Variants in ZNF385D observed in about 807,000 individuals in gnomAD.
ZNF385D encodes the protein zinc finger protein 659.
Under a neutral mutation model 35.8 loss-of-function variants are expected in ZNF385D, and 15 were observed. The ratio of observed to expected loss-of-function variants is 0.42; its 90% confidence interval spans 0.28 to 0.64. The LOEUF (loss-of-function observed/expected upper bound fraction) is 0.64. ZNF385D is among the 30% of genes least tolerant of loss of function. The probability of loss-of-function intolerance (pLI) is 0.23; values close to 1 mark genes in which losing one functional copy is unlikely to be tolerated. For synonymous variants in ZNF385D, 212 were observed against 186.8 expected (o/e 1.13, Z -1.10); for missense variants, 474 against 494.6 (o/e 0.96, Z 0.39).
intron 3 of ZNF385D, among the ~76,000 whole-genome samples, chr3:21,838,066 G>C (rs116552559): frequency 0.012 from 1,772 of 152,058 alleles, 30 homozygotes; most frequent in African/African-American, 0.039. Context: ...CTTCATAACT[G>C]CACATTAACA....
At chr3:21,569,799 A>G (rs1354637393) in intron 2 of ZNF385D, among the ~76,000 whole-genome samples, 1 of 151,196 alleles carries the variant, frequency 6.6e-6, no homozygotes, top group East Asian at 2.0e-4. Context: ...TCAGTAAACT[A>G]TCGCAAGGAC....
chr3:21,979,303 C>A (rs1191798483), intron 3 of ZNF385D, among the ~76,000 whole-genome samples: 1 of 152,108 alleles, frequency 6.6e-6, no homozygotes, highest in Non-Finnish European at 1.5e-5. Flanking sequence ...GTATATTTAA[C>A]CCCACATGTC....
intron 3 of ZNF385D, among the ~76,000 whole-genome samples, chr3:22,036,873 C>T (rs1412332983): frequency 8.1e-6 from 1 of 123,398 alleles, no homozygotes; most frequent in Non-Finnish European, 1.7e-5. Flanking sequence ...TCCCCCCACC[C>T]CACAACAGGC....
intron 3 of ZNF385D, among the ~76,000 whole-genome samples, chr3:21,537,436 C>A (rs961092342): frequency 6.6e-6 from 1 of 151,948 alleles, no homozygotes; most frequent in Admixed American, 6.6e-5. Flanking sequence ...TGAGCCACCA[C>A]GCCCGGCCCA....
chr3:22,005,176 T>C (rs1427486710), intron 3 of ZNF385D, among the ~76,000 whole-genome samples: 1 of 148,540 alleles, frequency 6.7e-6, no homozygotes, highest in Non-Finnish European at 1.5e-5. Context: ...CACAGGTACA[T>C]GAAAAAATGT....
At chr3:22,239,406 C>A (rs1350226340) in intron 2 of ZNF385D, among the ~76,000 whole-genome samples, 1 of 150,912 alleles carries the variant, frequency 6.6e-6, no homozygotes, top group Non-Finnish European at 1.5e-5. Context: ...TTTAAAGTGT[C>A]CTAAGCCAAA....
chr3:22,021,899 C>T (rs1220744155), intron 3 of ZNF385D, among the ~76,000 whole-genome samples: 1 of 151,936 alleles, frequency 6.6e-6, no homozygotes, highest in Non-Finnish European at 1.5e-5. Context: ...AGAATAATTC[C>T]CAGGTGATTC....
chr3:21,907,318 T>C (rs1374619322), intron 3 of ZNF385D, among the ~76,000 whole-genome samples: 1 of 152,212 alleles, frequency 6.6e-6, no homozygotes, highest in Non-Finnish European at 1.5e-5. Context: ...TATTTCTTTA[T>C]ATCTTTACTT....
chr3:22,172,391 T>C (rs976710775), intron 2 of ZNF385D, among the ~76,000 whole-genome samples: 1 of 152,200 alleles, frequency 6.6e-6, no homozygotes, highest in African/African-American at 2.4e-5. Context: ...TAAGCTATAT[T>C]AAAAAATGTA....
At chr3:22,100,962 A>C (rs1177937682) in intron 3 of ZNF385D, among the ~76,000 whole-genome samples, 7 of 152,088 alleles carry the variant, frequency 4.6e-5, no homozygotes, top group Non-Finnish European at 1.0e-4. Flanking sequence ...GCAACATTTT[A>C]TTGAATATAA....
intron 4 of ZNF385D, among the ~76,000 whole-genome samples, chr3:21,456,591 T>C (rs1702827830): frequency 6.6e-6 from 1 of 151,644 alleles, no homozygotes. Flanking sequence ...TGTTGTGGGG[T>C]GGGGGGAGTA....
chr3:21,754,703 C>T (rs1238700280), upstream of ZNF385D, among the ~76,000 whole-genome samples: 1 of 152,020 alleles, frequency 6.6e-6, no homozygotes, highest in African/African-American at 2.4e-5. Flanking sequence ...TGGCAACTAT[C>T]ATCATCTGAC....
chr3:22,072,887 G>C (rs943622771), intron 3 of ZNF385D, among the ~76,000 whole-genome samples: 2 of 152,022 alleles, frequency 1.3e-5, no homozygotes, highest in African/African-American at 4.8e-5. Context: ...TGTTTGATTT[G>C]AAATTGAGAT....
At chr3:21,592,628 A>AATCT (rs1195358096) in intron 2 of ZNF385D, among the ~76,000 whole-genome samples, 1 of 152,082 alleles carries the variant, frequency 6.6e-6, no homozygotes, top group East Asian at 1.9e-4. Flanking sequence ...GAACAAAAAA[A>AATCT]ATCTATCTGC....
intron 2 of ZNF385D, among the ~76,000 whole-genome samples, chr3:22,180,911 G>GTTTTTTTTTTTTTTTTTTTTTTTTTTTT (rs1695207512): frequency 1.6e-5 from 1 of 60,746 alleles, no homozygotes; most frequent in African/African-American, 1.5e-4. Flanking sequence ...ATATGCTTTT[G>GTTTTTTTTTTTTTTTTTTTTTTTTTTTT]TTCTTTTTTT....
At chr3:21,702,540 C>T (rs1359276374) in intron 1 of ZNF385D, among the ~76,000 whole-genome samples, 4 of 152,204 alleles carry the variant, frequency 2.6e-5, no homozygotes, top group African/African-American at 9.6e-5. Context: ...AGGCTCCTTG[C>T]TACTTATGCA....
At chr3:22,024,623 G>T (rs1486695447) in intron 3 of ZNF385D, among the ~76,000 whole-genome samples, 3 of 152,050 alleles carry the variant, frequency 2.0e-5, no homozygotes, top group African/African-American at 7.2e-5. Flanking sequence ...ACTTCTAATT[G>T]TATGGAGAGC....
intron 3 of ZNF385D, among the ~76,000 whole-genome samples, chr3:22,033,041 C>T (rs1698094604): frequency 6.6e-6 from 1 of 152,096 alleles, no homozygotes; most frequent in African/African-American, 2.4e-5. Flanking sequence ...AAGACAGAAT[C>T]AAGATTCCGA....
At chr3:22,133,160 C>T (rs1009785772) in intron 3 of ZNF385D, among the ~76,000 whole-genome samples, 1 of 152,058 alleles carries the variant, frequency 6.6e-6, no homozygotes, top group Non-Finnish European at 1.5e-5. Flanking sequence ...CCTCAAATAC[C>T]CTTCCTGGAG....
Sources: allele counts gnomAD v4.1 joint callset (sites outside exome capture counted in the v4.1 genomes callset), GRCh38; gene constraint gnomAD v4.1.1; transcripts MANE v1.5; gene names NCBI Gene and HGNC (gene_info 2026-07-23, HGNC 2026-07-21).